Variants in ARHGEF2 observed in about 807,000 individuals in gnomAD.
The protein encoded by ARHGEF2 is rho guanine nucleotide exchange factor 2.
In ARHGEF2, 22 loss-of-function variants were observed where a neutral mutation model predicts 121.0. The observed-to-expected ratio is 0.18, with a 90% CI of 0.13 to 0.26. ARHGEF2 has a LOEUF of 0.26. ARHGEF2 is among the 10% of genes least tolerant of loss of function. The pLI, the probability that ARHGEF2 is intolerant of heterozygous loss-of-function variation, is 1.00. For synonymous variants in ARHGEF2, 487 were observed against 530.0 expected (o/e 0.92, Z 1.11); for missense variants, 907 against 1,336.0 (o/e 0.68, Z 5.01).
In ARHGEF2 at chr1:155,958,400, G is replaced by T. The variant is rs1453255209; in HGVS notation, c.1469-4C>A. The T allele has an allele frequency of 9.3e-6, 15 of 1,612,742 alleles. No homozygotes were observed. The East Asian group carries it at 2.7e-4, about 29-fold the overall frequency. On this transcript the variant is annotated splice_polypyrimidine_tract_variant and splice_region_variant and intron_variant, in intron 11 of 21. Transcript: ENST00000361247. ...GTCATCAGCAGCACTAGCACATCTG[G>T]AAGGGGATGAAGGTGGGAGAACAGT...
Position 155,978,239 on chromosome 1 carries a change from G to C in ARHGEF2, c.63+126C>G. On this transcript the variant is annotated intron_variant, in intron 1 of 21. Transcript: ENST00000361247. The surrounding 1 kb of genome is among the most constrained non-coding windows in gnomAD (Gnocchi z 4.1). Reference sequence around the variant, plus strand: ...CACCCACCCCGTCCCGCCGCTCGCCGATCCACCGCTCCGCCCGATTTTGGC... The same window carrying C: ...CACCCACCCCGTCCCGCCGCTCGCCCATCCACCGCTCCGCCCGATTTTGGC... 6 of 1,036,788 alleles carry C rather than the reference G, an allele frequency of 5.8e-6. No homozygotes were observed. Among genetic ancestry groups the C allele is most frequent in the Admixed American group, 4.3e-5 (1 of 23,338 alleles). The allele number at this position is 1,036,788 out of a possible 1,614,324, so 64.2% of individuals were successfully genotyped here.
rs1473802635 is a variant in ARHGEF2 at position 155,951,052 on chromosome 1, T to G, written c.2480A>C (p.Glu827Ala). ...ELRRCRRLGE[E>A]RATEAGSLEA... The stretch of plus-strand genomic sequence containing the variant: ...CAGGCTGCCAGCTTCGGTTGCCCGT[T>G]CTTCACCTAGCCGCCGGCAGCGCCG... Residue 827 changes from glutamate (E) to alanine (A), a missense_variant, in exon 20 of 22, where the codon GAA becomes GCA. By Grantham distance (107) the Glu-to-Ala change is moderately radical (BLOSUM62 -1). This residue lies in a region of ARHGEF2 where 432 missense variants were observed against 559.5 expected (regional missense o/e 0.77). Transcript: ENST00000361247. The surrounding 1 kb of genome is among the most constrained non-coding windows in gnomAD (Gnocchi z 5.1). 1 of 1,602,092 alleles carries G rather than the reference T, an allele frequency of 6.2e-7. No individual in the cohort carries two copies. Among genetic ancestry groups the G allele is most frequent in the Non-Finnish European group, 8.5e-7 (1 of 1,176,062 alleles).
chr1:155,979,493 C>T (rs549480086), upstream of ARHGEF2, among the ~76,000 whole-genome samples: 2 of 152,254 alleles, frequency 1.3e-5, no homozygotes, highest in African/African-American at 4.8e-5. Context: ...CTCCTCCAGT[C>T]TAACTATGAT....
At position 155,962,798 on chromosome 1, in the gene ARHGEF2, GC is replaced by G. The variant is rs1425432186; in HGVS notation, c.976-81del. ...CCACTGGACACACCTCTGGCCTCCT[GC>G]CAAACAGGCTGGCTTCCTGTTTCTC... On this transcript the variant is annotated intron_variant, in intron 8 of 21. Transcript: ENST00000361247. The surrounding 1 kb of genome is among the most constrained non-coding windows in gnomAD (Gnocchi z 5.8). 65 of 1,599,004 alleles carry G rather than the reference GC, an allele frequency of 4.1e-5. No individual in the cohort carries two copies. The East Asian group carries it at 1.4e-3, about 35-fold the overall frequency.
upstream of ARHGEF2, chr1:155,978,689 G>A: frequency 1.0e-6 from 1 of 962,126 alleles, no homozygotes; most frequent in Non-Finnish European, 1.3e-6. This position sits in a 1 kb window ranked among gnomAD's most constrained non-coding sequence, Gnocchi z 4.1. Context: ...GGGGCAGCTC[G>A]GAGAGGTACG....
chr1:155,959,909 C>T (rs564124984), intron 11 of ARHGEF2, among the ~76,000 whole-genome samples: 34 of 152,226 alleles, frequency 2.2e-4, no homozygotes, highest in Admixed American at 6.5e-5. Context: ...AAGACCTTTA[C>T]GGCTATCTGA....
chr1:155,978,639 G>T, upstream of ARHGEF2: 2 of 1,214,652 alleles, frequency 1.6e-6, no homozygotes, highest in East Asian at 3.2e-5. The surrounding 1 kb of genome is among the most constrained non-coding windows in gnomAD (Gnocchi z 4.1). Context: ...GAGGGAGGGC[G>T]GGGTGCCCGC....
Position 155,965,490 on chromosome 1 carries a change from A to G in ARHGEF2, c.471-78T>C. Reference sequence around the variant, plus strand: ...TCCCAGGTAGGGAACCAAAGCCAGGATCCAAGAGGCGGTCCCCCTAAGTTC... The same window carrying G: ...TCCCAGGTAGGGAACCAAAGCCAGGGTCCAAGAGGCGGTCCCCCTAAGTTC... On this transcript the variant is annotated intron_variant, in intron 5 of 21. Coordinates refer to ENST00000361247, the MANE Select transcript of ARHGEF2 (RefSeq NM_001162383.2). This position sits in a 1 kb window ranked among gnomAD's most constrained non-coding sequence, Gnocchi z 6.0. 1 of 1,599,110 alleles carries G rather than the reference A, an allele frequency of 6.3e-7. No homozygotes were observed. Among genetic ancestry groups the G allele is most frequent in the Non-Finnish European group, 8.6e-7 (1 of 1,167,014 alleles).
chr1:155,978,329 G>A lies in ARHGEF2; in HGVS notation c.63+36C>T. The stretch of plus-strand genomic sequence containing the variant: ...GTGCCGGGGTTCGGGGAGCACCCGA[G>A]GACCGCGGCGAAAGGAGAGGGGTTT... On this transcript the variant is annotated intron_variant, in intron 1 of 21. Coordinates refer to ENST00000361247, the MANE Select transcript of ARHGEF2 (RefSeq NM_001162383.2). This position sits in a 1 kb window ranked among gnomAD's most constrained non-coding sequence, Gnocchi z 4.1. The A allele has an allele frequency of 6.7e-7, 1 of 1,484,452 alleles. No homozygotes were observed. Among genetic ancestry groups the A allele is most frequent in the Non-Finnish European group, 9.1e-7 (1 of 1,102,066 alleles). 92.0% of individuals were successfully genotyped at this position (1,484,452 alleles called of 1,614,324 possible).
In ARHGEF2 at chr1:155,962,256, G is replaced by A. The variant is rs780941068; in HGVS notation, c.1102-34C>T. 1 of 1,599,138 alleles carries A rather than the reference G, an allele frequency of 6.3e-7. No individual in the cohort carries two copies. The highest frequency in any genetic ancestry group is 8.6e-7 in the Non-Finnish European group (1 of 1,167,974). On this transcript the variant is annotated intron_variant, in intron 9 of 21. Transcript: ENST00000361247. This position sits in a 1 kb window ranked among gnomAD's most constrained non-coding sequence, Gnocchi z 5.8. Reference sequence around the variant, plus strand: ...GAGGAGGCAGGGCTCAGGGCCAGAGGGGAGGGCAACAGAAAGGCCTGGGGC... The same window carrying A: ...GAGGAGGCAGGGCTCAGGGCCAGAGAGGAGGGCAACAGAAAGGCCTGGGGC...
In ARHGEF2 at chr1:155,947,585, G is replaced by A; in HGVS notation, c.*357C>T. ...ATGAGCCTGAATATACCCCAGTAGT[G>A]TTCAAGGACAAGGCCCTCTGATCCC... On this transcript the variant is annotated 3_prime_UTR_variant, in exon 22 of 22. Coordinates refer to ENST00000361247, the MANE Select transcript of ARHGEF2 (RefSeq NM_001162383.2). The A allele has an allele frequency of 2.7e-6, 1 of 364,320 alleles. No individual in the cohort carries two copies. The highest frequency in any genetic ancestry group is 5.3e-6 in the Non-Finnish European group (1 of 187,274). 22.6% of individuals were successfully genotyped at this position (364,320 alleles called of 1,614,324 possible).
rs1457465782 is a variant in ARHGEF2, at chr1:155,961,744, G to A, written c.1385C>T (p.Pro462Leu). The change falls in exon 11 of 22, where the codon CCC (proline) becomes CTC (leucine). Residue 462 changes from proline (P) to leucine (L), a missense_variant. By Grantham distance (98) the Pro-to-Leu change is moderately conservative. Around this residue, in one of 2 missense-constraint regions of ARHGEF2, gnomAD observed 475 missense variants for 776.5 expected, o/e 0.61. Transcript: ENST00000361247. The surrounding 1 kb of genome is among the most constrained non-coding windows in gnomAD (Gnocchi z 4.7). ...RAQTPVPGKG[P>L]FGREELLRRK... The stretch of plus-strand genomic sequence containing the variant: ...CCTCAGAAGTTCCTCTCGGCCAAAG[G>A]GGCCCTTGCCAGGCACTGGGGTTTG... The A allele has an allele frequency of 6.2e-7, 1 of 1,614,078 alleles. No individual in the cohort carries two copies. The highest frequency in any genetic ancestry group is 1.3e-5 in the African/African-American group (1 of 74,926).
In ARHGEF2 at chr1:155,950,936, T is replaced by G; in HGVS notation, c.2596A>C (p.Thr866Pro). The G allele has an allele frequency of 6.2e-7, 1 of 1,605,820 alleles. No individual in the cohort carries two copies. Among genetic ancestry groups the G allele is most frequent in the Non-Finnish European group, 8.5e-7 (1 of 1,175,706 alleles). The change falls in exon 20 of 22, where the codon ACC becomes CCC. Residue 866 changes from threonine (T) to proline (P), a missense_variant. Thr to Pro is a conservative substitution (Grantham distance 38). This residue lies in a region of ARHGEF2 where 432 missense variants were observed against 559.5 expected (regional missense o/e 0.77). Transcript: ENST00000361247. This position sits in a 1 kb window ranked among gnomAD's most constrained non-coding sequence, Gnocchi z 5.2. Reference sequence around the variant, plus strand: ...GGGGCCTCAGCTGGGAGTGGCTCGGTCTGGCCCAGGGCGGCCAGCTGCCTT... The same window carrying G: ...GGGGCCTCAGCTGGGAGTGGCTCGGGCTGGCCCAGGGCGGCCAGCTGCCTT... ...ARRQLAALGQ[T>P]EPLPAEAPWA...
At chr1:155,972,256 C>T (rs571804415) in intron 1 of ARHGEF2, 53 of 467,562 alleles carry the variant, frequency 1.1e-4, no homozygotes, top group African/African-American at 1.0e-3. Flanking sequence ...AACACTCACC[C>T]TCTCTCGAAG....
chr1:155,955,060 G>C (rs1331610535), intron 13 of ARHGEF2, 91 bp from the exon 14 acceptor site: 3 of 1,043,442 alleles, frequency 2.9e-6, no homozygotes, highest in Admixed American at 4.0e-5. Flanking sequence ...CATGCCTTAT[G>C]CTTCCATCTT....
chr1:155,954,933 T>C lies in ARHGEF2; in HGVS notation c.1752A>G (p.Thr584=). 1 of 1,612,236 alleles carries C rather than the reference T, an allele frequency of 6.2e-7. No individual in the cohort carries two copies. Among genetic ancestry groups the C allele is most frequent in the Non-Finnish European group, 8.5e-7 (1 of 1,179,212 alleles). ...PSREDFPLIE[T]EDEAYLRRIK... is the part of the protein sequence containing the mutation. ...TTCGCCGCAGGTAAGCCTCATCCTC[T>C]GTCTCAATCAGGGGGAAGTCCTCCC... Residue 584 remains threonine, a synonymous_variant, in exon 14 of 22, where the codon ACA becomes ACG. Transcript: ENST00000361247.
intron 1 of ARHGEF2, among the ~76,000 whole-genome samples, chr1:155,974,494 A>C (rs1680991762): frequency 6.6e-6 from 1 of 152,006 alleles, no homozygotes; most frequent in Non-Finnish European, 1.5e-5. Flanking sequence ...TGGGGGTGGG[A>C]CTGAGAAGAG....
intron 1 of ARHGEF2, among the ~76,000 whole-genome samples, chr1:155,973,214 A>T (rs910637823): frequency 3.3e-5 from 5 of 152,320 alleles, no homozygotes; most frequent in Non-Finnish European, 7.3e-5. Context: ...GGACACCAAG[A>T]CATGGGGTCT....
Position 155,969,226 on chromosome 1 carries a change from T to C in ARHGEF2, c.138A>G (p.Ser46=). The C allele has an allele frequency of 6.2e-7, 1 of 1,614,194 alleles. No homozygotes were observed. The highest frequency in any genetic ancestry group is 8.5e-7 in the Non-Finnish European group (1 of 1,180,024). ...YTNGHLFTTI[S]VSGMTMCYAC... ...CATAGCACATGGTCATGCCTGAAAC[T>C]GAAATGGTGGTGAAGAGGTGCCCAT... Residue 46 remains serine (S), a synonymous_variant, in exon 2 of 22, where the codon TCA becomes TCG. Transcript: ENST00000361247.
Sources: allele counts gnomAD v4.1 joint callset (sites outside exome capture counted in the v4.1 genomes callset), GRCh38; gene constraint gnomAD v4.1.1; regional missense constraint gnomAD v4.1.1; non-coding constraint Gnocchi (gnomAD v3.1); transcripts MANE v1.5; gene names NCBI Gene and HGNC (gene_info 2026-07-23, HGNC 2026-07-21).